The following ASTN2 variants were observed in gnomAD, a reference collection of about 807,000 sequenced individuals.
The protein encoded by ASTN2 is astrotactin 2.
In ASTN2, 54 loss-of-function variants were observed where a neutral mutation model predicts 139.8. That is an observed-to-expected ratio of 0.39 (90% CI 0.31 to 0.48). The LOEUF (loss-of-function observed/expected upper bound fraction) is 0.48, where lower values mean the gene tolerates loss of function less well. Among genes scored for constraint, ASTN2 ranks in the 20% least tolerant of loss-of-function variants. The pLI is 0.95. For synonymous variants in ASTN2, 756 were observed against 719.5 expected (o/e 1.05, Z -0.81); for missense variants, 1,565 against 1,725.1 (o/e 0.91, Z 1.64).
At chr9:117,328,038 G>C (rs554974176) in intron 1 of ASTN2, among the ~76,000 whole-genome samples, 20 of 152,274 alleles carry the variant, frequency 1.3e-4, no homozygotes, top group African/African-American at 4.6e-4. Flanking sequence ...CAAAGGCATG[G>C]ATAGGAGAGA....
At chr9:116,639,113 T>C (rs533640597) in intron 17 of ASTN2, among the ~76,000 whole-genome samples, 2 of 152,340 alleles carry the variant, frequency 1.3e-5, no homozygotes, top group African/African-American at 4.8e-5. Context: ...CCTTTGTGTA[T>C]GTTATGCTTT....
chr9:117,063,301 C>T (rs1377101672), intron 5 of ASTN2, among the ~76,000 whole-genome samples: 1 of 152,178 alleles, frequency 6.6e-6, no homozygotes, highest in Admixed American at 6.5e-5. Context: ...TGTGTCCCCA[C>T]CCAAATCTCA....
chr9:116,619,891 A>C (rs1198008062), intron 18 of ASTN2, among the ~76,000 whole-genome samples: 5 of 151,804 alleles, frequency 3.3e-5, no homozygotes, highest in Admixed American at 6.6e-5. Flanking sequence ...TCCTCCACTA[A>C]ATTGTCCGTT....
At chr9:116,682,296 C>A (rs1165390968) in intron 16 of ASTN2, among the ~76,000 whole-genome samples, 2 of 152,170 alleles carry the variant, frequency 1.3e-5, no homozygotes, top group Non-Finnish European at 2.9e-5. Flanking sequence ...CACTGGCCAT[C>A]AGAGAAATGC....
chr9:116,609,912 TATTC>T (rs1855444768), intron 19 of ASTN2, among the ~76,000 whole-genome samples: 1 of 152,114 alleles, frequency 6.6e-6, no homozygotes. Context: ...ATATGTTAGA[TATTC>T]ATGCTGTAAA....
chr9:116,964,269 G>A (rs983683321), intron 10 of ASTN2, among the ~76,000 whole-genome samples: 6 of 151,488 alleles, frequency 4.0e-5, no homozygotes, highest in African/African-American at 7.3e-5. Context: ...GCGCGCGCGC[G>A]TGTGTGTTGA....
intron 3 of ASTN2, among the ~76,000 whole-genome samples, chr9:117,172,138 C>CA (rs1279097685): frequency 6.6e-6 from 1 of 151,836 alleles, no homozygotes; most frequent in Admixed American, 6.6e-5. Flanking sequence ...TAGGAAGGTA[C>CA]AAAAAAATGA....
intron 7 of ASTN2, among the ~76,000 whole-genome samples, chr9:117,000,407 G>C (rs1422254740): frequency 6.6e-6 from 1 of 152,206 alleles, no homozygotes; most frequent in African/African-American, 2.4e-5. Flanking sequence ...GAATGAGTTA[G>C]TGTTCCGCTG....
At chr9:117,096,492 G>A (rs561944285) in intron 4 of ASTN2, among the ~76,000 whole-genome samples, 24 of 152,282 alleles carry the variant, frequency 1.6e-4, no homozygotes, top group African/African-American at 4.6e-4. Context: ...TACCTGGTCC[G>A]CAGTACATCC....
chr9:117,085,960 C>T (rs928434791), intron 5 of ASTN2, among the ~76,000 whole-genome samples: 1 of 152,164 alleles, frequency 6.6e-6, no homozygotes, highest in African/African-American at 2.4e-5. Flanking sequence ...GGAAAGTGAA[C>T]CCTCTCAATT....
chr9:116,699,205 T>C lies in ASTN2; in HGVS notation c.2806+26566A>G. The C allele has an allele frequency of 6.2e-7, 1 of 1,614,212 alleles. No individual in the cohort carries two copies. The highest frequency in any genetic ancestry group is 2.2e-5 in the East Asian group (1 of 44,868). On this transcript the variant is annotated intron_variant, in intron 16 of 22. Coordinates refer to ENST00000313400, the MANE Select transcript of ASTN2 (RefSeq NM_001365068.1). This position sits in a 1 kb window ranked among gnomAD's most constrained non-coding sequence, Gnocchi z 4.2. The stretch of plus-strand genomic sequence containing the variant: ...TCTGGCCAGTTTGTAGTAACCGATG[T>C]GGAAGGTGGAAAGCTTTGGTGTTTC...
At chr9:117,244,835 C>T (rs931035220) in intron 2 of ASTN2, among the ~76,000 whole-genome samples, 3 of 151,914 alleles carry the variant, frequency 2.0e-5, no homozygotes, top group African/African-American at 7.3e-5. Flanking sequence ...TGGCTTAGGT[C>T]CTTGAAGACA....
At chr9:116,659,943 A>C (rs769280786) in intron 16 of ASTN2, among the ~76,000 whole-genome samples, 6 of 152,162 alleles carry the variant, frequency 3.9e-5, no homozygotes, top group Non-Finnish European at 7.3e-5. Context: ...CATCAGACCC[A>C]AGCCCAGAGT....
At chr9:116,449,510 G>C (rs1341106753) in intron 20 of ASTN2, among the ~76,000 whole-genome samples, 1 of 152,210 alleles carries the variant, frequency 6.6e-6, no homozygotes, top group Non-Finnish European at 1.5e-5. Flanking sequence ...CACATGGTAA[G>C]TGGTAAGTTA....
chr9:116,992,042 T>C (rs983181171), intron 7 of ASTN2, among the ~76,000 whole-genome samples: 5 of 152,146 alleles, frequency 3.3e-5, no homozygotes, highest in African/African-American at 1.2e-4. Flanking sequence ...AGAAAAGCAA[T>C]GCCAGAAACC....
chr9:117,261,756 T>C (rs1029722676), intron 2 of ASTN2, among the ~76,000 whole-genome samples: 1 of 152,156 alleles, frequency 6.6e-6, no homozygotes, highest in Non-Finnish European at 1.5e-5. Context: ...TAGGATTTCA[T>C]GGTCCCATCC....
chr9:116,572,109 T>A (rs143567519), intron 19 of ASTN2, among the ~76,000 whole-genome samples: 109 of 152,272 alleles, frequency 7.2e-4, no homozygotes, highest in Non-Finnish European at 1.2e-3. Context: ...ATTCTGTGTG[T>A]TCCCCTGTGT....
At chr9:116,697,740 G>C (rs1391364586) in intron 16 of ASTN2, 4 of 1,613,916 alleles carry the variant, frequency 2.5e-6, no homozygotes, top group Non-Finnish European at 3.4e-6. Flanking sequence ...CAAAGGAAGA[G>C]CAATGGCTGC....
chr9:117,014,750 T>A (rs1837627905), intron 6 of ASTN2, among the ~76,000 whole-genome samples: 1 of 152,040 alleles, frequency 6.6e-6, no homozygotes, highest in Non-Finnish European at 1.5e-5. Context: ...TCAATACGAC[T>A]GATGTCCTTA....
Sources: allele counts gnomAD v4.1 joint callset (sites outside exome capture counted in the v4.1 genomes callset), GRCh38; gene constraint gnomAD v4.1.1; non-coding constraint Gnocchi (gnomAD v3.1); transcripts MANE v1.5; gene names NCBI Gene and HGNC (gene_info 2026-07-23, HGNC 2026-07-21).